The following GFI1 variants were observed in gnomAD, a reference collection of about 807,000 sequenced individuals.
The protein encoded by GFI1 is zinc finger protein Gfi-1.
A neutral mutation model predicts 39.2 loss-of-function variants in GFI1; 15 were observed. The ratio of observed to expected loss-of-function variants is 0.38; its 90% CI spans 0.26 to 0.59. GFI1 has a LOEUF of 0.59. Among genes scored for constraint, GFI1 ranks in the 20% least tolerant of loss-of-function variants. GFI1 has a pLI of 0.62. For synonymous variants in GFI1, 239 were observed against 254.3 expected (o/e 0.94, Z 0.57); for missense variants, 475 against 574.0 (o/e 0.83, Z 1.76).
rs1658070425 is a variant in GFI1 at position 92,478,603 on chromosome 1, T to C, written c.1075A>G (p.Thr359Ala). Residue 359 changes from threonine (T) to alanine (A), a missense_variant, in exon 6 of 7, where the codon ACT (threonine) becomes GCT (alanine). Around this residue, in one of 4 missense-constraint regions of GFI1, gnomAD observed 112 missense variants for 202.8 expected, o/e 0.55. Transcript: ENST00000294702. Reference sequence around the variant, plus strand: ...TTTAGCTCACCAGTGTGGATGAAAGTGTGTTTCTTCATGTCTGACTTCTGG... The same window carrying C: ...TTTAGCTCACCAGTGTGGATGAAAGCGTGTTTCTTCATGTCTGACTTCTGG... ...FHQKSDMKKH[T>A]FIHTGEKPHK... is the part of the protein sequence containing the mutation. 6.2e-7 allele frequency: 1 copy of C among 1,613,862 alleles called. No homozygotes were observed. Among genetic ancestry groups the C allele is most frequent in the South Asian group, 1.1e-5 (1 of 91,064 alleles).
chr1:92,480,798 G>A lies in GFI1; in HGVS notation c.589C>T (p.Leu197=). The A allele has an allele frequency of 6.3e-7, 1 of 1,592,544 alleles. No homozygotes were observed. Among genetic ancestry groups the A allele is most frequent in the Non-Finnish European group, 8.5e-7 (1 of 1,172,964 alleles). ...GACCCGAAGTCGCCGTAGAGCCCTA[G>A]GCCAGGGCCAGCGGTGGCACCGGCC... is the stretch of plus-strand genomic sequence containing the variant. The part of the protein sequence containing the change: ...AGAGATAGPG[L]GLYGDFGSAA... Residue 197 remains leucine, a synonymous_variant, in exon 4 of 7, where the codon CTA becomes TTA. Coordinates refer to ENST00000294702, the MANE Select transcript of GFI1 (RefSeq NM_005263.5). The surrounding 1 kb of genome is among the most constrained non-coding windows in gnomAD (Gnocchi z 5.6).
Position 92,480,267 on chromosome 1 carries a change from C to T in GFI1, c.924+81G>A, listed in dbSNP as rs1658158063. On this transcript the variant is annotated intron_variant, in intron 5 of 6. Coordinates refer to ENST00000294702, the MANE Select transcript of GFI1 (RefSeq NM_005263.5). This position sits in a 1 kb window ranked among gnomAD's most constrained non-coding sequence, Gnocchi z 5.6. ...GGAAGTCGAGGAGAAAACTTCCAGG[C>T]AGAGAGTGGCTGGTGCTGCACCGAG... 3 of 1,451,166 alleles carry T rather than the reference C, an allele frequency of 2.1e-6. No homozygotes were observed. The highest frequency in any genetic ancestry group is 1.9e-6 in the Non-Finnish European group (2 of 1,070,184). The allele number at this position is 1,451,166 out of a possible 1,614,324, so 89.9% of individuals were successfully genotyped here.
At chr1:92,476,363 T>C (rs1657976811) in intron 6 of GFI1, among the ~76,000 whole-genome samples, 156 bp from the exon 7 acceptor site, 1 of 152,068 alleles carries the variant, frequency 6.6e-6, no homozygotes, top group East Asian at 1.9e-4. Context: ...CTGAACTGAC[T>C]CCCAGCCTGC....
intron 6 of GFI1, 79 bp downstream of exon 6, chr1:92,478,509 A>C: frequency 1.6e-6 from 2 of 1,259,696 alleles, no homozygotes. Flanking sequence ...TCCACCACTC[A>C]CTGGGGCCAG....
chr1:92,482,837 C>T lies in GFI1; in HGVS notation c.298+27G>A. The T allele has an allele frequency of 6.2e-7, 1 of 1,600,458 alleles. No homozygotes were observed. Among genetic ancestry groups the T allele is most frequent in the Non-Finnish European group, 8.6e-7 (1 of 1,167,834 alleles). On this transcript the variant is annotated intron_variant, in intron 3 of 6. Coordinates refer to ENST00000294702, the MANE Select transcript of GFI1 (RefSeq NM_005263.5). This position sits in a 1 kb window ranked among gnomAD's most constrained non-coding sequence, Gnocchi z 4.4. Reference sequence around the variant, plus strand: ...CACTGCCGGGTCCCTGCAGCTCCCGCCCAAGAGGTTCCCAGTGGGTTCCTA... The same window carrying T: ...CACTGCCGGGTCCCTGCAGCTCCCGTCCAAGAGGTTCCCAGTGGGTTCCTA...
rs1394027901 is a variant in GFI1, at chr1:92,484,052, G to A, written c.-99-466C>T. 5.1e-6 allele frequency: 1 copy of A among 197,586 alleles called. No homozygotes were observed. The highest frequency in any genetic ancestry group is 1.2e-4 in the East Asian group (1 of 8,142). 12.2% of individuals were successfully genotyped at this position (197,586 alleles called of 1,614,324 possible). A position where few individuals can be genotyped will look rare whatever the true frequency, so the allele number is the denominator to read the frequency against. On this transcript the variant is annotated intron_variant, in intron 1 of 6. Transcript: ENST00000294702. This position sits in a 1 kb window ranked among gnomAD's most constrained non-coding sequence, Gnocchi z 4.1. ...GGGGATGCCCAGTGGTCGAGGACCC[G>A]GAAGGGGCAAGGAGCCAAGACCTCC...
rs969108153 is a variant in GFI1 at position 92,482,952 on chromosome 1, T to C, written c.210A>G (p.Ala70=). The C allele has an allele frequency of 7.4e-6, 12 of 1,613,678 alleles. No individual in the cohort carries two copies. The highest frequency in any genetic ancestry group is 1.0e-5 in the Non-Finnish European group (12 of 1,179,828). ...CGCTGCCTTCGCAGCTGTCTGGGGA[T>C]GCGGAGGCTCTGTCTGGGGCTTCGG... ...QLTEAPDRAS[A]SPDSCEGSVC... is the part of the protein sequence containing the mutation. Residue 70 remains alanine, a synonymous_variant, in exon 3 of 7, where the codon GCA becomes GCG. Transcript: ENST00000294702. The surrounding 1 kb of genome is among the most constrained non-coding windows in gnomAD (Gnocchi z 4.4).
chr1:92,484,499 A>T lies in GFI1; in HGVS notation c.-99-913T>A, dbSNP rs1364907257. On this transcript the variant is annotated intron_variant, in intron 1 of 6. Transcript: ENST00000294702. This position sits in a 1 kb window ranked among gnomAD's most constrained non-coding sequence, Gnocchi z 4.1. ...CCCGATCCACGAACGTTGACTGGGA[A>T]ATGCTAGGTGTCCCGAGTCGGTAGT... The T allele has an allele frequency of 1.3e-5, 2 of 152,264 alleles. No individual in the cohort carries two copies. The highest frequency in any genetic ancestry group is 4.8e-5 in the African/African-American group (2 of 41,460). 9.4% of individuals were successfully genotyped at this position (152,264 alleles called of 1,614,324 possible).
Position 92,484,775 on chromosome 1 carries a change from G to C in GFI1, c.-99-1189C>G, listed in dbSNP as rs1242982823. 1 of 152,256 alleles carries C rather than the reference G, an allele frequency of 6.6e-6. No homozygotes were observed. Among genetic ancestry groups the C allele is most frequent in the African/African-American group, 2.4e-5 (1 of 41,456 alleles). 9.4% of individuals were successfully genotyped at this position (152,256 alleles called of 1,614,324 possible). A position where few individuals can be genotyped will look rare whatever the true frequency, so the allele number is the denominator to read the frequency against. Reference sequence around the variant, plus strand: ...ACAGTCGAGGTGGTCTGGAGTAAACGAATCTGCCTTCCTCCCGGGGTGAAG... The same window carrying C: ...ACAGTCGAGGTGGTCTGGAGTAAACCAATCTGCCTTCCTCCCGGGGTGAAG... On this transcript the variant is annotated intron_variant, in intron 1 of 6. Coordinates refer to ENST00000294702, the MANE Select transcript of GFI1 (RefSeq NM_005263.5). This position sits in a 1 kb window ranked among gnomAD's most constrained non-coding sequence, Gnocchi z 4.1.
intron 5 of GFI1, among the ~76,000 whole-genome samples, chr1:92,479,886 A>G (rs1047132207): frequency 5.3e-5 from 8 of 152,124 alleles, no homozygotes; most frequent in Non-Finnish European, 1.2e-4. Context: ...AAAGAAAGGA[A>G]GGAAGGAAAG....
chr1:92,480,794 C>T lies in GFI1; in HGVS notation c.593G>A (p.Gly198Glu). 4 of 1,596,742 alleles carry T rather than the reference C, an allele frequency of 2.5e-6. No homozygotes were observed. The highest frequency in any genetic ancestry group is 3.4e-6 in the Non-Finnish European group (4 of 1,175,112). The part of the protein sequence containing the change: ...GAGATAGPGL[G>E]LYGDFGSAAA... ...CGCAGACCCGAAGTCGCCGTAGAGC[C>T]CTAGGCCAGGGCCAGCGGTGGCACC... Residue 198 changes from glycine to glutamate, a missense_variant, in exon 4 of 7, where the codon GGG becomes GAG. Around this residue, in one of 4 missense-constraint regions of GFI1, gnomAD observed 275 missense variants for 275.8 expected, o/e 1.00. Coordinates refer to ENST00000294702, the MANE Select transcript of GFI1 (RefSeq NM_005263.5). This position sits in a 1 kb window ranked among gnomAD's most constrained non-coding sequence, Gnocchi z 5.6.
At chr1:92,478,511 TG>T in intron 6 of GFI1, 76 bp downstream of exon 6, 3 of 1,300,706 alleles carry the variant, frequency 2.3e-6, no homozygotes, top group Non-Finnish European at 3.4e-6. Flanking sequence ...CACCACTCAC[TG>T]GGGCCAGAAA....
chr1:92,483,618 G>C, intron 1 of GFI1, 32 bp from the exon 2 acceptor site: 1 of 704,444 alleles, frequency 1.4e-6, no homozygotes, highest in East Asian at 2.7e-5. Context: ...GTGGAGACGT[G>C]GGTCAGTACT....
intron 6 of GFI1, among the ~76,000 whole-genome samples, chr1:92,476,762 TTC>T (rs141823158): frequency 1.5e-4 from 22 of 150,966 alleles, no homozygotes; most frequent in East Asian, 9.7e-4. Flanking sequence ...CTTTCTTTAT[TTC>T]TCTCTCTCTC....
At position 92,478,332 on chromosome 1, in the gene GFI1, C is replaced by A. The variant is rs553192113; in HGVS notation, c.1090+256G>T. Among the ~76,000 whole-genome samples, 7 of 152,316 alleles carry A rather than the reference C, an allele frequency of 4.6e-5. 1 individual carries two copies. In the South Asian group the frequency reaches 1.4e-3, roughly 32 times the overall value. The stretch of plus-strand genomic sequence containing the variant: ...AGCTGCTAACCTAAAGGAAAATGTT[C>A]TTTCCAAGTATAGAGTACCTGTGAG... On this transcript the variant is annotated intron_variant, in intron 6 of 6. Transcript: ENST00000294702.
Position 92,477,354 on chromosome 1 carries a change from G to C in GFI1, c.1091-1147C>G, listed in dbSNP as rs576161481. Among the ~76,000 whole-genome samples, 20 of 152,306 alleles carry C rather than the reference G, an allele frequency of 1.3e-4. 1 individual carries two copies. In the South Asian group the frequency reaches 3.9e-3, roughly 30 times the overall value. On this transcript the variant is annotated intron_variant, in intron 6 of 6. Transcript: ENST00000294702. ...GGAGTGAATTACATGGAAATTTCAG[G>C]TAAGAGGGAATGATTAAAGTAGAAT... is the stretch of plus-strand genomic sequence containing the variant.
At position 92,475,515 on chromosome 1, in the gene GFI1, A is replaced by G. The variant is rs1657915010; in HGVS notation, c.*514T>C. The G allele has an allele frequency of 5.8e-6, 1 of 171,274 alleles. No homozygotes were observed. Among genetic ancestry groups the G allele is most frequent in the Non-Finnish European group, 1.3e-5 (1 of 78,496 alleles). 10.6% of individuals were successfully genotyped at this position (171,274 alleles called of 1,614,324 possible). ...TTATAGGCAGCACCCAAAAGAAAGG[A>G]GTCAACAGACCCCCCAGAAGGAAAA... On this transcript the variant is annotated 3_prime_UTR_variant, in exon 7 of 7. Transcript: ENST00000294702.
chr1:92,477,510 A>T (rs1157508160), intron 6 of GFI1, among the ~76,000 whole-genome samples: 1 of 152,214 alleles, frequency 6.6e-6, no homozygotes, highest in Non-Finnish European at 1.5e-5. Flanking sequence ...ATTTTCAGAA[A>T]TTCTGGGTCT....
chr1:92,482,794 G>A lies in GFI1; in HGVS notation c.298+70C>T. The stretch of plus-strand genomic sequence containing the variant: ...CGTTAGCATTTCTACGCCCAAGGTC[G>A]CGCCAATTCCCCCCCAGCACTGCCG... On this transcript the variant is annotated intron_variant, in intron 3 of 6. Coordinates refer to ENST00000294702, the MANE Select transcript of GFI1 (RefSeq NM_005263.5). The surrounding 1 kb of genome is among the most constrained non-coding windows in gnomAD (Gnocchi z 4.4). The A allele has an allele frequency of 8.2e-7, 1 of 1,226,764 alleles. No individual in the cohort carries two copies. The allele number at this position is 1,226,764 out of a possible 1,614,324, so 76.0% of individuals were successfully genotyped here. A position where few individuals can be genotyped will look rare whatever the true frequency, so the allele number is the denominator to read the frequency against.
Sources: allele counts gnomAD v4.1 joint callset (sites outside exome capture counted in the v4.1 genomes callset), GRCh38; gene constraint gnomAD v4.1.1; regional missense constraint gnomAD v4.1.1; non-coding constraint Gnocchi (gnomAD v3.1); transcripts MANE v1.5; gene names NCBI Gene and HGNC (gene_info 2026-07-23, HGNC 2026-07-21).